Variants in NECAP2 observed in about 807,000 individuals in gnomAD.
The protein encoded by NECAP2 is NECAP endocytosis associated 2, also known as adaptin ear-binding coat-associated protein 2.
In NECAP2, 38 loss-of-function variants were observed where a neutral mutation model predicts 37.8. That is an observed-to-expected ratio of 1.01 (90% CI 0.78 to 1.32). The LOEUF is 1.32. Among genes scored for constraint, NECAP2 ranks in the 40% most tolerant of loss-of-function variants. The pLI is 0.00. For missense variants in NECAP2, 316 were observed against 334.5 expected (o/e 0.94, Z 0.43); for synonymous variants, 121 against 127.7 (o/e 0.95, Z 0.35).
chr1:16,457,083 T>C (rs1462651335), intron 7 of NECAP2, among the ~76,000 whole-genome samples: 2 of 152,230 alleles, frequency 1.3e-5, no homozygotes, highest in Non-Finnish European at 2.9e-5. Context: ...TCAGTTCTGC[T>C]CTTGTTGCAC....
Position 16,458,989 on chromosome 1 carries a change from G to A in NECAP2, c.*99G>A, listed in dbSNP as rs749812899. 1 of 1,601,334 alleles carries A rather than the reference G, an allele frequency of 6.2e-7. No individual in the cohort carries two copies. Among genetic ancestry groups the A allele is most frequent in the South Asian group, 1.1e-5 (1 of 89,754 alleles). ...GCCCTCCTCAGCTGGCCTGTGTTTGGGGCATGAATCTCTCCTCTCCTCCTT... is the reference window on the plus strand; with the variant it reads ...GCCCTCCTCAGCTGGCCTGTGTTTGAGGCATGAATCTCTCCTCTCCTCCTT... On this transcript the variant is annotated 3_prime_UTR_variant, in exon 8 of 8. Transcript: ENST00000337132.
rs541072437 is a variant in NECAP2 at position 16,449,837 on chromosome 1, C to T, written c.489+636C>T. 6.6e-4 allele frequency: 129 copies of T among 194,280 alleles called. No individual in the cohort carries two copies. In the Middle Eastern group the frequency reaches 6.8e-3, roughly 10 times the overall value. 12.0% of individuals were successfully genotyped at this position (194,280 alleles called of 1,614,324 possible). On this transcript the variant is annotated intron_variant, in intron 5 of 7. Transcript: ENST00000337132. ...GCTGCTCTGCCTCTGGCTTCCCTCC[C>T]GTCAGCTCCTGTTCATAGGAACAGG...
chr1:16,450,071 TACTC>T (rs1206126023), intron 5 of NECAP2: 1 of 403,742 alleles, frequency 2.5e-6, no homozygotes, highest in African/African-American at 2.1e-5. Context: ...CCTCTTTACT[TACTC>T]TTTCTCCTCT....
intron 2 of NECAP2, among the ~76,000 whole-genome samples, chr1:16,446,083 C>T (rs1393790222): frequency 1.3e-5 from 2 of 152,116 alleles, no homozygotes; most frequent in Non-Finnish European, 2.9e-5. Context: ...TGGTGCATGC[C>T]TGTAAACCCG....
At chr1:16,454,194 G>A (rs1480140062) in intron 6 of NECAP2, among the ~76,000 whole-genome samples, 2 of 151,826 alleles carry the variant, frequency 1.3e-5, no homozygotes, top group Non-Finnish European at 2.9e-5. Context: ...CAAGTAGCTG[G>A]GATTACAGGC....
At chr1:16,449,392 C>T in intron 5 of NECAP2, 191 bp downstream of exon 5, 1 of 539,926 alleles carries the variant, frequency 1.9e-6, no homozygotes. Flanking sequence ...TGAGCTGAGA[C>T]AGGCAGGTAA....
At chr1:16,454,694 C>T (rs1284003350) in intron 6 of NECAP2, among the ~76,000 whole-genome samples, 2 of 152,164 alleles carry the variant, frequency 1.3e-5, no homozygotes, top group Non-Finnish European at 2.9e-5. Flanking sequence ...CTCCATGCCT[C>T]ATTTTTCTCA....
chr1:16,448,922 C>G (rs1408204141), intron 4 of NECAP2, among the ~76,000 whole-genome samples, 171 bp from the exon 5 acceptor site: 2 of 152,124 alleles, frequency 1.3e-5, no homozygotes, highest in African/African-American at 4.8e-5. Flanking sequence ...ACTTAAGTGT[C>G]AGATTGGGAT....
chr1:16,443,885 C>T lies in NECAP2; in HGVS notation c.193+153C>T, dbSNP rs77796699. On this transcript the variant is annotated intron_variant, in intron 2 of 7. Coordinates refer to ENST00000337132, the MANE Select transcript of NECAP2 (RefSeq NM_018090.5). ...GTACCTTTAAGCTGTACCATTCCCC[C>T]ACCTTAGTTGTAGAAAGTACCGTCT... Among the ~76,000 whole-genome samples the T allele has an allele frequency of 1.8e-3, 268 of 152,296 alleles. 1 individual carries two copies. The highest frequency in any genetic ancestry group is 2.9e-3 in the Non-Finnish European group (196 of 68,024).
intron 7 of NECAP2, among the ~76,000 whole-genome samples, chr1:16,456,527 C>T (rs960682202): frequency 1.3e-5 from 2 of 152,174 alleles, no homozygotes; most frequent in South Asian, 4.1e-4. Context: ...CCATCCCCCA[C>T]CTTCCCCAAA....
intron 6 of NECAP2, among the ~76,000 whole-genome samples, chr1:16,454,921 A>G (rs2086895776): frequency 6.6e-6 from 1 of 152,190 alleles, no homozygotes; most frequent in Admixed American, 6.5e-5. Context: ...CCTATGGAGT[A>G]GTTCCTGTTA....
chr1:16,458,685 G>C (rs1008413647), intron 7 of NECAP2, among the ~76,000 whole-genome samples, 157 bp from the exon 8 acceptor site: 5 of 151,764 alleles, frequency 3.3e-5, no homozygotes, highest in African/African-American at 1.2e-4. Flanking sequence ...TCGAGGGCCA[G>C]ATTTGGTCTC....
At chr1:16,451,195 A>G (rs1009915614) in intron 5 of NECAP2, 1 of 152,232 alleles carries the variant, frequency 6.6e-6, no homozygotes, top group African/African-American at 2.4e-5. Context: ...TGTGAGAGTC[A>G]TCCATGGTGT....
At chr1:16,440,981 T>A in intron 1 of NECAP2, 128 bp downstream of exon 1, 1 of 718,984 alleles carries the variant, frequency 1.4e-6, no homozygotes, top group Non-Finnish European at 2.4e-6. Context: ...ATGCTGCTGC[T>A]TCTTCCAGTT....
At chr1:16,441,045 A>G (rs1020251468) in intron 1 of NECAP2, 192 bp downstream of exon 1, 10 of 580,350 alleles carry the variant, frequency 1.7e-5, no homozygotes, top group Non-Finnish European at 3.1e-5. Flanking sequence ...AGTTCGACGC[A>G]CGGGACTCCT....
At chr1:16,451,747 C>T in intron 5 of NECAP2, 91 bp from the exon 6 acceptor site, 1 of 1,403,950 alleles carries the variant, frequency 7.1e-7, no homozygotes, top group East Asian at 2.3e-5. Context: ...TGTTGGGGGT[C>T]TGGGGTCACC....
Position 16,447,901 on chromosome 1 carries a change from G to A in NECAP2, c.225G>A (p.Gln75=). ...TCTTTGCTCAGGCCCCGGTGGATCA[G>A]TTTCCTGGCACAGCTGTGGAGAGTG... ...GELFAQAPVD[Q]FPGTAVESVT... The change falls in exon 3 of 8, where the codon CAG becomes CAA. Residue 75 remains glutamine, a synonymous_variant. Transcript: ENST00000337132. 1 of 1,614,148 alleles carries A rather than the reference G, an allele frequency of 6.2e-7. No individual in the cohort carries two copies. The highest frequency in any genetic ancestry group is 1.3e-5 in the African/African-American group (1 of 75,036).
chr1:16,458,660 A>T (rs1047221146), intron 7 of NECAP2, among the ~76,000 whole-genome samples, 182 bp from the exon 8 acceptor site: 5 of 140,050 alleles, frequency 3.6e-5, no homozygotes, highest in Admixed American at 7.3e-5. Context: ...TTAACTATTT[A>T]AAAAAAAAAA....
In NECAP2 at chr1:16,440,758, C is replaced by A. The variant is rs1459628007; in HGVS notation, c.-4C>A. The A allele has an allele frequency of 1.9e-6, 3 of 1,612,858 alleles. No individual in the cohort carries two copies. Among genetic ancestry groups the A allele is most frequent in the Non-Finnish European group, 2.5e-6 (3 of 1,178,886 alleles). ...CGGAAGTTCGGTGGGCTCCAGGCGTCGCGATGGAGGAGAGCGGGTACGAGT... is the reference window on the plus strand; with the variant it reads ...CGGAAGTTCGGTGGGCTCCAGGCGTAGCGATGGAGGAGAGCGGGTACGAGT... On this transcript the variant is annotated 5_prime_UTR_variant, in exon 1 of 8. Transcript: ENST00000337132.
Sources: allele counts gnomAD v4.1 joint callset (sites outside exome capture counted in the v4.1 genomes callset), GRCh38; gene constraint gnomAD v4.1.1; transcripts MANE v1.5; gene names NCBI Gene and HGNC (gene_info 2026-07-23, HGNC 2026-07-21).